The following SNX6 variants were observed in gnomAD, a reference collection of about 807,000 sequenced individuals.
SNX6 encodes the protein sorting nexin 6.
Under a neutral mutation model 63.0 loss-of-function variants are expected in SNX6, and 34 were observed. That is an observed-to-expected ratio of 0.54 (90% confidence interval 0.41 to 0.72). The LOEUF (loss-of-function observed/expected upper bound fraction) is 0.72, where lower values mean the gene tolerates loss of function less well. SNX6 is among the 30% of genes least tolerant of loss of function. SNX6 has a pLI of 0.00. For missense variants in SNX6, 398 were observed against 471.4 expected (o/e 0.84, Z 1.44); for synonymous variants, 170 against 164.2 (o/e 1.04, Z -0.27).
chr14:34,629,763 G>C (rs572740044), intron 2 of SNX6, 144 bp downstream of exon 2: 1 of 1,299,124 alleles, frequency 7.7e-7, no homozygotes, highest in South Asian at 1.4e-5. Context: ...GGAGGGTGGG[G>C]CGCGGTGCAG....
At chr14:34,565,287 C>A (rs1881124972) in intron 13 of SNX6, among the ~76,000 whole-genome samples, 1 of 151,804 alleles carries the variant, frequency 6.6e-6, no homozygotes, top group Non-Finnish European at 1.5e-5. Flanking sequence ...CCGTGGTAGC[C>A]AGGATGGTCT....
chr14:34,593,404 C>CTT (rs556910452), intron 7 of SNX6, among the ~76,000 whole-genome samples: 18 of 143,556 alleles, frequency 1.3e-4, no homozygotes, highest in Admixed American at 1.1e-3. Flanking sequence ...GTGCTGTACT[C>CTT]TTTTTTTTTT....
At chr14:34,580,895 A>G (rs1470035032) in intron 10 of SNX6, among the ~76,000 whole-genome samples, 1 of 152,022 alleles carries the variant, frequency 6.6e-6, no homozygotes, top group Non-Finnish European at 1.5e-5. Context: ...GACTCAAGAG[A>G]TCCTCCTGCC....
intron 13 of SNX6, among the ~76,000 whole-genome samples, chr14:34,564,926 G>C (rs555689862): frequency 2.0e-5 from 3 of 151,380 alleles, no homozygotes; most frequent in African/African-American, 7.3e-5. Context: ...TAAATAATAA[G>C]TATTTTAGGC....
intron 5 of SNX6, 180 bp downstream of exon 5, chr14:34,605,416 T>C (rs1254814169): frequency 1.2e-5 from 5 of 420,806 alleles, no homozygotes; most frequent in Non-Finnish European, 2.1e-5. Flanking sequence ...TATTCTATAA[T>C]TTTCCTGTAG....
intron 2 of SNX6, among the ~76,000 whole-genome samples, chr14:34,622,954 TA>T (rs1172828968): frequency 6.6e-6 from 1 of 152,186 alleles, no homozygotes; most frequent in South Asian, 2.1e-4. Flanking sequence ...TGAATGCATG[TA>T]AGTGTGTAAC....
chr14:34,580,855 A>G (rs954531873), intron 10 of SNX6, among the ~76,000 whole-genome samples: 3 of 151,800 alleles, frequency 2.0e-5, no homozygotes, highest in Admixed American at 1.3e-4. Context: ...GCGTCTTGCT[A>G]TGTTTTCCCA....
Position 34,609,629 on chromosome 14 carries a change from C to T in SNX6, c.159+9G>A, listed in dbSNP as rs2138357526. On this transcript the variant is annotated intron_variant, in intron 3 of 13. Coordinates refer to ENST00000362031, the MANE Select transcript of SNX6 (RefSeq NM_152233.4). The stretch of plus-strand genomic sequence containing the variant: ...GCTAAAATAATAGAAAGTACAAAAT[C>T]ACATTTACCTTTGTGTGAACAGTGA... The T allele has an allele frequency of 6.4e-7, 1 of 1,559,948 alleles. No homozygotes were observed.
rs976132337 is a variant in SNX6, at chr14:34,583,495, T to A, written c.795-1895A>T. Among the ~76,000 whole-genome samples the A allele has an allele frequency of 2.0e-5, 3 of 150,120 alleles. No individual in the cohort carries two copies. In the South Asian group the frequency reaches 6.3e-4, roughly 31 times the overall value. The stretch of plus-strand genomic sequence containing the variant: ...GTCACCCCGTTCTGGCACAAACCTA[T>A]GGTCCCAGCTACCCAGGAGGCTGAA... On this transcript the variant is annotated intron_variant, in intron 9 of 13. Transcript: ENST00000362031.
intron 3 of SNX6, among the ~76,000 whole-genome samples, chr14:34,609,384 G>A (rs1883136446): frequency 6.7e-6 from 1 of 149,422 alleles, no homozygotes; most frequent in African/African-American, 2.4e-5. Flanking sequence ...TGGAGGCTGA[G>A]GCAGGAGAAT....
At chr14:34,619,455 G>C (rs989030847) in intron 2 of SNX6, among the ~76,000 whole-genome samples, 1 of 151,926 alleles carries the variant, frequency 6.6e-6, no homozygotes. Flanking sequence ...TAGAGAGAGA[G>C]AGAGAGAGAG....
chr14:34,585,443 G>A (rs1671771986), intron 9 of SNX6, among the ~76,000 whole-genome samples: 2 of 152,070 alleles, frequency 1.3e-5, no homozygotes, highest in South Asian at 2.1e-4. Flanking sequence ...CTGCTTGAAC[G>A]TGGAAGGAGA....
chr14:34,582,272 C>G (rs542014129), intron 9 of SNX6, among the ~76,000 whole-genome samples: 20 of 151,816 alleles, frequency 1.3e-4, no homozygotes, highest in Non-Finnish European at 2.5e-4. Flanking sequence ...GCTGGGATTA[C>G]AGGCAGCTGC....
intron 2 of SNX6, 168 bp downstream of exon 2, chr14:34,629,739 G>A: frequency 8.8e-7 from 1 of 1,132,424 alleles, no homozygotes; most frequent in Non-Finnish European, 1.3e-6. Context: ...GGCCCCTAGG[G>A]AGGAAGGGCT....
chr14:34,603,271 G>C, intron 6 of SNX6, 77 bp downstream of exon 6: 1 of 1,400,834 alleles, frequency 7.1e-7, no homozygotes. Context: ...GGAAGACAGA[G>C]CGAGATTCCG....
At chr14:34,630,001 G>A in intron 1 of SNX6, 47 bp from the exon 2 acceptor site, 2 of 1,519,318 alleles carry the variant, frequency 1.3e-6, no homozygotes, top group South Asian at 2.5e-5. Flanking sequence ...GATGAGATGG[G>A]GGAGACACAA....
chr14:34,599,811 GTC>G (rs1272761150), intron 6 of SNX6, among the ~76,000 whole-genome samples: 1 of 149,246 alleles, frequency 6.7e-6, no homozygotes, highest in Non-Finnish European at 1.5e-5. Context: ...CAAAATTTCT[GTC>G]TTCCCTCTTT....
At chr14:34,617,600 CCT>C (rs899082637) in intron 2 of SNX6, among the ~76,000 whole-genome samples, 1 of 127,694 alleles carries the variant, frequency 7.8e-6, no homozygotes, top group Non-Finnish European at 1.6e-5. Context: ...AGAGTGAGAC[CCT>C]GTCTCAAAAA....
rs1882923359 is a variant in SNX6, at chr14:34,604,041, A to G, written c.393-570T>C. 3 of 958,216 alleles carry G rather than the reference A, an allele frequency of 3.1e-6. No individual in the cohort carries two copies. In the East Asian group the frequency reaches 2.1e-4, roughly 69 times the overall value. 59.4% of individuals were successfully genotyped at this position (958,216 alleles called of 1,614,324 possible). Reference sequence around the variant, plus strand: ...AATCCCAGAGACCACAAAGTAATACATGTCAGTTTGGGGGAAAAAAAAAAA... The same window carrying G: ...AATCCCAGAGACCACAAAGTAATACGTGTCAGTTTGGGGGAAAAAAAAAAA... On this transcript the variant is annotated intron_variant, in intron 5 of 13. Coordinates refer to ENST00000362031, the MANE Select transcript of SNX6 (RefSeq NM_152233.4).
Sources: gnomAD v4.1 joint callset for allele counts (sites outside exome capture counted in the v4.1 genomes callset) on GRCh38, gnomAD v4.1.1 for gene constraint, MANE v1.5 for transcripts, NCBI Gene and HGNC (gene_info 2026-07-23, HGNC 2026-07-21) for gene names.